Variants in RP1 observed in about 807,000 individuals in gnomAD.
RP1 encodes the protein oxygen-regulated protein 1.
Under a neutral mutation model 14.8 loss-of-function variants are expected in RP1, and 16 were observed. That is an observed-to-expected ratio of 1.08 (90% CI 0.73 to 1.65). The LOEUF (loss-of-function observed/expected upper bound fraction) is 1.65, where lower values mean the gene tolerates loss of function less well. Ranked by LOEUF, RP1 falls within the 40% of genes most tolerant of loss-of-function variation. The pLI is 0.00. For missense variants in RP1, 2,631 were observed against 2,535.0 expected, an observed-to-expected ratio of 1.04 and a Z score of -0.81; for synonymous variants, 876 against 883.6, an observed-to-expected ratio of 0.99 and a Z score of 0.15.
chr8:54,587,837 A>T (rs967714802), intron 1 of RP1, among the ~76,000 whole-genome samples: 11 of 152,188 alleles, frequency 7.2e-5, no homozygotes, highest in Non-Finnish European at 1.2e-4. Flanking sequence ...AGTATTTTAT[A>T]ATGCATGTTT....
chr8:54,583,677 A>G (rs1234185431), intron 1 of RP1, among the ~76,000 whole-genome samples: 2 of 152,114 alleles, frequency 1.3e-5, no homozygotes, highest in African/African-American at 4.8e-5. Flanking sequence ...TCAATTTCAG[A>G]GCCTGTTATT....
intron 21 of RP1, among the ~76,000 whole-genome samples, chr8:54,757,854 T>A (rs1809547633): frequency 6.6e-6 from 1 of 152,172 alleles, no homozygotes; most frequent in Non-Finnish European, 1.5e-5. Context: ...AATGAGATGA[T>A]CTGTGCACAC....
At chr8:54,792,771 A>G (rs925429538) in intron 24 of RP1, among the ~76,000 whole-genome samples, 1 of 151,906 alleles carries the variant, frequency 6.6e-6, no homozygotes, top group Non-Finnish European at 1.5e-5. Context: ...CTAACTATAC[A>G]CTTCGAGGAA....
At chr8:54,789,764 A>T (rs1810415440) in intron 24 of RP1, among the ~76,000 whole-genome samples, 1 of 152,158 alleles carries the variant, frequency 6.6e-6, no homozygotes, top group African/African-American at 2.4e-5. Context: ...CAATCTACAG[A>T]TTCTCCCAAA....
chr8:54,567,643 C>T (rs951015834), intron 1 of RP1, among the ~76,000 whole-genome samples: 2 of 151,902 alleles, frequency 1.3e-5, no homozygotes, highest in Admixed American at 6.6e-5. Flanking sequence ...AAAAAAAAAT[C>T]ACCCTTCTTT....
rs2129316567 is a variant in RP1, at chr8:54,626,225, A to G, written c.2343A>G (p.Ser781=). ...QGLLTKRKSR[S]LNKISLGAPK... ...TTTTAACCAAAAGAAAATCTAGATC[A>G]CTAAATAAAATAAGCTTAGGAGCAC... is the stretch of plus-strand genomic sequence containing the variant. The change falls in exon 4 of 4, where the codon TCA becomes TCG. Residue 781 remains serine (S), a synonymous_variant. Transcript: ENST00000220676. 6.2e-7 allele frequency: 1 copy of G among 1,611,180 alleles called. No individual in the cohort carries two copies. Among genetic ancestry groups the G allele is most frequent in the Non-Finnish European group, 8.5e-7 (1 of 1,179,134 alleles).
At chr8:54,869,146 A>C (rs1812522835) in intron 28 of RP1, among the ~76,000 whole-genome samples, 3 of 152,262 alleles carry the variant, frequency 2.0e-5, no homozygotes, top group African/African-American at 4.8e-5. Context: ...AAAGATAGTA[A>C]ATTTTTTGCC....
At chr8:54,606,776 C>T (rs1038259654) in intron 1 of RP1, among the ~76,000 whole-genome samples, 52 of 152,140 alleles carry the variant, frequency 3.4e-4, no homozygotes, top group Admixed American at 2.6e-4. Flanking sequence ...CTTCTCTTCT[C>T]ACTTCATTTC....
chr8:54,589,791 T>C (rs1805005625), intron 1 of RP1, among the ~76,000 whole-genome samples: 1 of 152,194 alleles, frequency 6.6e-6, no homozygotes, highest in South Asian at 2.1e-4. Context: ...GGTCTTTTGG[T>C]CCTCATTGGA....
intron 23 of RP1, chr8:54,783,483 A>C (rs546284509): frequency 1.2e-6 from 1 of 813,302 alleles, no homozygotes; most frequent in African/African-American, 1.8e-5. Flanking sequence ...AGAAATCCTT[A>C]TTTTCCTAAT....
At chr8:54,597,107 G>A (rs967982422) in intron 1 of RP1, among the ~76,000 whole-genome samples, 30 of 152,030 alleles carry the variant, frequency 2.0e-4, no homozygotes, top group South Asian at 2.1e-4. Context: ...TCCTTAGCCC[G>A]GCATTTTCCA....
intron 24 of RP1, among the ~76,000 whole-genome samples, chr8:54,822,482 T>C (rs967556967): frequency 6.6e-6 from 1 of 152,264 alleles, no homozygotes; most frequent in Non-Finnish European, 1.5e-5. Context: ...ATTCCATCTC[T>C]TCTACATTTT....
intron 24 of RP1, among the ~76,000 whole-genome samples, chr8:54,799,628 A>G (rs908065059): frequency 7.3e-5 from 11 of 151,574 alleles, no homozygotes; most frequent in African/African-American, 2.2e-4. Context: ...CCTTTTTTGA[A>G]ATTATTTATA....
intron 24 of RP1, among the ~76,000 whole-genome samples, chr8:54,786,838 C>G (rs1810330367): frequency 1.3e-5 from 2 of 152,116 alleles, no homozygotes; most frequent in African/African-American, 2.4e-5. Context: ...TAAATAAGAA[C>G]TGGCCCAATA....
downstream of RP1, among the ~76,000 whole-genome samples, chr8:54,632,430 C>T (rs766096450): frequency 6.6e-6 from 1 of 152,178 alleles, no homozygotes; most frequent in Non-Finnish European, 1.5e-5. Context: ...CTTCTTTAAA[C>T]ATACTTCTTT....
rs905626969 is a variant in RP1, at chr8:54,732,321, GT to G, written c.2522-2218del. 1.2e-4 allele frequency among the ~76,000 whole-genome samples: 18 copies of G among 152,096 alleles called. 1 individual carries two copies. The highest frequency in any genetic ancestry group is 2.4e-4 in the Non-Finnish European group (16 of 68,008). On this transcript the variant is annotated intron_variant, in intron 17 of 22. Coordinates refer to the RP1 transcript ENST00000636932. ...TCCGCTACACCTGAACTTTTCAGTA[GT>G]TTTTTATTTGTTTGTTTGTTTTCCA... is the stretch of plus-strand genomic sequence containing the variant.
chr8:54,564,050 A>C (rs1036617436), intron 1 of RP1, among the ~76,000 whole-genome samples: 7 of 152,060 alleles, frequency 4.6e-5, no homozygotes, highest in Non-Finnish European at 8.8e-5. Flanking sequence ...TTGTTGCCCA[A>C]CTCAGATCTC....
Position 54,628,258 on chromosome 8 carries a change from A to G in RP1, c.4376A>G (p.Glu1459Gly), listed in dbSNP as rs1315126444. Residue 1459 changes from glutamate (E) to glycine (G), a missense_variant, in exon 4 of 4, where the codon GAA becomes GGA. By Grantham distance (98) the Glu-to-Gly change is moderately conservative. Transcript: ENST00000220676. ...ATAACCAACAGCATGACATCAAGTG[A>G]AAGAAACATTTCAGAATTGGAATCT... ...GSITNSMTSS[E>G]RNISELESFE... is the part of the protein sequence containing the mutation. The G allele has an allele frequency of 2.5e-6, 4 of 1,614,014 alleles. No individual in the cohort carries two copies. Among genetic ancestry groups the G allele is most frequent in the Non-Finnish European group, 3.4e-6 (4 of 1,179,942 alleles).
At position 54,628,283 on chromosome 8, in the gene RP1, T is replaced by C; in HGVS notation, c.4401T>C (p.Ser1467=). ...SSERNISELE[S]FEELENHDTD... The stretch of plus-strand genomic sequence containing the variant: ...AAAGAAACATTTCAGAATTGGAATC[T>C]TTTGAAGAATTAGAAAACCATGACA... The change falls in exon 4 of 4, where the codon TCT becomes TCC. Residue 1467 remains serine, a synonymous_variant. Coordinates refer to ENST00000220676, the MANE Select transcript of RP1 (RefSeq NM_006269.2). The C allele has an allele frequency of 6.2e-7, 1 of 1,613,946 alleles. No individual in the cohort carries two copies.
Sources: allele counts gnomAD v4.1 joint callset (sites outside exome capture counted in the v4.1 genomes callset), GRCh38; gene constraint gnomAD v4.1.1; transcripts MANE v1.5; gene names NCBI Gene and HGNC (gene_info 2026-07-23, HGNC 2026-07-21).